The following LNX2 variants were observed in gnomAD, a reference collection of about 807,000 sequenced individuals.
The protein encoded by LNX2 is ligand of Numb protein X 2.
LNX2 carries 35 observed loss-of-function variants against 66.2 expected under a neutral mutation model. That is an observed-to-expected ratio of 0.53 (90% CI 0.40 to 0.70). The LOEUF (loss-of-function observed/expected upper bound fraction) is 0.70, where lower values mean the gene tolerates loss of function less well. LNX2 is among the 30% of genes least tolerant of loss of function. LNX2 has a pLI of 0.00. For missense variants in LNX2, 791 were observed against 850.8 expected, an observed-to-expected ratio of 0.93 and a Z score of 0.87; for synonymous variants, 337 against 315.6, an observed-to-expected ratio of 1.07 and a Z score of -0.72.
chr13:27,594,965 A>G (rs1955581430), intron 1 of LNX2, among the ~76,000 whole-genome samples: 1 of 152,132 alleles, frequency 6.6e-6, no homozygotes, highest in Non-Finnish European at 1.5e-5. Context: ...AAGCCATGAT[A>G]CTATTTTCCC....
chr13:27,589,829 GAACCTCTGCC>G (rs1486680036), intron 1 of LNX2, among the ~76,000 whole-genome samples: 1 of 152,200 alleles, frequency 6.6e-6, no homozygotes, highest in African/African-American at 2.4e-5. Context: ...ACATCTAGGT[GAACCTCTGCC>G]AATAAGACCG....
At chr13:27,611,823 G>A (rs1955777231) in intron 1 of LNX2, among the ~76,000 whole-genome samples, 1 of 152,176 alleles carries the variant, frequency 6.6e-6, no homozygotes, top group Non-Finnish European at 1.5e-5. Context: ...TTAAAATATG[G>A]AATTTAAAAA....
intron 6 of LNX2, 21 bp downstream of exon 6, chr13:27,559,819 TAA>T (rs373436911): frequency 3.7e-3 from 4,819 of 1,301,474 alleles, no homozygotes; most frequent in South Asian, 0.016. Flanking sequence ...GATGGTGGCA[TAA>T]AAAAAAAAAA....
At chr13:27,597,870 A>G (rs1031543775) in intron 1 of LNX2, among the ~76,000 whole-genome samples, 4 of 152,204 alleles carry the variant, frequency 2.6e-5, no homozygotes, top group African/African-American at 9.6e-5. Flanking sequence ...AACTTTCTTC[A>G]TATTTCCCAT....
chr13:27,549,638 C>G (rs77985337), intron 9 of LNX2, among the ~76,000 whole-genome samples: 8,339 of 152,272 alleles, frequency 0.055, 243 homozygotes, highest in Middle Eastern at 0.1. Context: ...AATAAAGAAA[C>G]TTACCTCATA....
At chr13:27,565,816 G>A (rs964698697) in intron 4 of LNX2, among the ~76,000 whole-genome samples, 6 of 152,180 alleles carry the variant, frequency 3.9e-5, no homozygotes, top group African/African-American at 1.4e-4. Flanking sequence ...ACCATGAAAA[G>A]CAGCATACAA....
At chr13:27,573,894 T>C (rs1955314299) in intron 2 of LNX2, among the ~76,000 whole-genome samples, 9 of 131,956 alleles carry the variant, frequency 6.8e-5, no homozygotes, top group Admixed American at 6.3e-4. Context: ...TTAAGAAACA[T>C]GCAAAGAAAC....
intron 1 of LNX2, among the ~76,000 whole-genome samples, chr13:27,613,633 T>C (rs984987993): frequency 4.6e-5 from 7 of 152,158 alleles, no homozygotes; most frequent in Middle Eastern, 3.4e-3. Flanking sequence ...CTGGGTGTGG[T>C]GGCGGGTGCT....
Position 27,553,330 on chromosome 13 carries a change from T to G in LNX2, c.1656A>C (p.Ala552=). The change falls in exon 8 of 10, where the codon GCA becomes GCC. Residue 552 remains alanine, a synonymous_variant. Coordinates refer to ENST00000316334, the MANE Select transcript of LNX2 (RefSeq NM_153371.4). ...SAASPAVALK[A]LEVQIVEEAT... is the part of the protein sequence containing the mutation. ...CCTCCTCAACAATCTGGACCTCAAG[T>G]GCTTTAAGGGCAACAGCAGGGGACG... The G allele has an allele frequency of 1.2e-6, 2 of 1,614,202 alleles. No individual in the cohort carries two copies. The highest frequency in any genetic ancestry group is 2.2e-5 in the South Asian group (2 of 91,086).
At chr13:27,552,707 G>A (rs1955019843) in intron 8 of LNX2, among the ~76,000 whole-genome samples, 1 of 152,172 alleles carries the variant, frequency 6.6e-6, no homozygotes, top group African/African-American at 2.4e-5. Flanking sequence ...AAAAATAAAA[G>A]TGAAGCAGCC....
chr13:27,553,826 G>A (rs1202037565), intron 7 of LNX2, among the ~76,000 whole-genome samples: 1 of 152,060 alleles, frequency 6.6e-6, no homozygotes, highest in African/African-American at 2.4e-5. Context: ...TTTGCCCTTA[G>A]AAATAAATCT....
intron 1 of LNX2, among the ~76,000 whole-genome samples, chr13:27,613,013 C>CA (rs1363738018): frequency 6.6e-6 from 1 of 152,124 alleles, no homozygotes; most frequent in Non-Finnish European, 1.5e-5. Flanking sequence ...CAAACGTTTA[C>CA]AAATTGACTG....
intron 1 of LNX2, among the ~76,000 whole-genome samples, chr13:27,599,382 C>T (rs1310994135): frequency 6.6e-6 from 1 of 152,218 alleles, no homozygotes; most frequent in Non-Finnish European, 1.5e-5. Flanking sequence ...CCACTCACCA[C>T]TACTTTGTAA....
chr13:27,559,817 C>T, intron 6 of LNX2, 25 bp downstream of exon 6: 4 of 1,456,928 alleles, frequency 2.7e-6, no homozygotes, highest in Non-Finnish European at 3.7e-6. Flanking sequence ...TTGATGGTGG[C>T]ATAAAAAAAA....
At chr13:27,579,579 C>T (rs1955376335) in intron 2 of LNX2, among the ~76,000 whole-genome samples, 1 of 152,146 alleles carries the variant, frequency 6.6e-6, no homozygotes. Flanking sequence ...TGATAAGAAA[C>T]ACTAGTAATA....
intron 2 of LNX2, among the ~76,000 whole-genome samples, chr13:27,575,618 A>C (rs1337283247): frequency 1.3e-5 from 2 of 152,138 alleles, no homozygotes; most frequent in Non-Finnish European, 2.9e-5. Flanking sequence ...CTGACTGAGA[A>C]GGTCTGAATT....
chr13:27,593,782 G>T (rs1432087164), intron 1 of LNX2, among the ~76,000 whole-genome samples: 7 of 147,892 alleles, frequency 4.7e-5, no homozygotes, highest in African/African-American at 1.7e-4. Context: ...TTTAAGTAGG[G>T]ACAAGGTTTC....
intron 1 of LNX2, among the ~76,000 whole-genome samples, chr13:27,600,672 T>C (rs1955647700): frequency 6.6e-6 from 1 of 152,216 alleles, no homozygotes. Context: ...TCCTCTAGAT[T>C]GGGTTCATTC....
intron 1 of LNX2, among the ~76,000 whole-genome samples, chr13:27,583,222 G>GCCCTCTCCAATATAACT (rs766530442): frequency 4.7e-5 from 1 of 21,460 alleles, no homozygotes; most frequent in Non-Finnish European, 7.9e-5. Flanking sequence ...GTGTGTGTGT[G>GCCCTCTCCAATATAACT]TGTGTGTGTG....
Sources: allele counts gnomAD v4.1 joint callset (sites outside exome capture counted in the v4.1 genomes callset), GRCh38; gene constraint gnomAD v4.1.1; transcripts MANE v1.5; gene names NCBI Gene and HGNC (gene_info 2026-07-23, HGNC 2026-07-21).